Variants in SPATA31C1 observed in about 807,000 individuals in gnomAD.
SPATA31C1 encodes the protein spermatogenesis-associated protein 31C1.
chr9:87,922,227 T>C (rs766066418), exon 5 of SPATA31C1: 65 of 1,613,244 alleles, frequency 4.0e-5, no homozygotes, highest in Non-Finnish European at 5.5e-5. Context: ...GGAGGGCAGG[T>C]GGCCATCTAA....
chr9:87,921,766 T>C, exon 5 of SPATA31C1: 1 of 1,612,028 alleles, frequency 6.2e-7, no homozygotes, highest in Non-Finnish European at 8.5e-7. Context: ...AACACCCACG[T>C]GAAAACCAGC....
chr9:87,922,324 C>A (rs557816890), exon 5 of SPATA31C1: 55 of 1,611,290 alleles, frequency 3.4e-5, no homozygotes, highest in Non-Finnish European at 4.7e-5. Flanking sequence ...ACCAGGGAGG[C>A]AGTGCCACAA....
exon 5 of SPATA31C1, chr9:87,922,415 C>T (rs773984907): frequency 7.5e-6 from 12 of 1,610,068 alleles, no homozygotes; most frequent in African/African-American, 2.7e-5. Context: ...AGGCTCCAGG[C>T]GCCAGCAAAA....
At chr9:87,922,201 C>T (rs774373421) in exon 5 of SPATA31C1, 2 of 1,613,280 alleles carry the variant, frequency 1.2e-6, no homozygotes, top group Admixed American at 1.7e-5. Flanking sequence ...TCCTTGAAGG[C>T]TCCTACAGCT....
exon 5 of SPATA31C1, chr9:87,922,358 T>C: frequency 1.2e-6 from 2 of 1,610,696 alleles, no homozygotes; most frequent in South Asian, 1.1e-5. Flanking sequence ...TGGGAACCTG[T>C]ATGAGAGCAA....
At chr9:87,923,369 C>T (rs766555428) in exon 5 of SPATA31C1, 1 of 1,602,538 alleles carries the variant, frequency 6.2e-7, no homozygotes, top group Non-Finnish European at 8.5e-7. Context: ...AGCAATGGGG[C>T]CTGCGACATC....
At chr9:87,919,213 G>C in intron 2 of SPATA31C1, 42 bp from the exon 2 acceptor site, 1 of 1,489,268 alleles carries the variant, frequency 6.7e-7, no homozygotes, top group Non-Finnish European at 9.0e-7. Context: ...GGGGCAGAGA[G>C]GGAGAGCCGG....
At chr9:87,923,360 G>C (rs1179260371) in exon 5 of SPATA31C1, 1 of 1,602,626 alleles carries the variant, frequency 6.2e-7, no homozygotes. Context: ...GCAACAATGA[G>C]CAATGGGGCC....
At chr9:87,923,617 A>G, downstream of SPATA31C1, 3 of 668,040 alleles carry the variant, frequency 4.5e-6, no homozygotes, top group Non-Finnish European at 7.5e-6. Context: ...TAGTACACGC[A>G]GAACATTTAA....
At chr9:87,922,228 G>A in exon 5 of SPATA31C1, 1 of 1,613,254 alleles carries the variant, frequency 6.2e-7, no homozygotes, top group Non-Finnish European at 8.5e-7. Context: ...GAGGGCAGGT[G>A]GCCATCTAAG....
chr9:87,920,322 G>A (rs577427444), exon 5 of SPATA31C1: 102 of 1,613,928 alleles, frequency 6.3e-5, no homozygotes, highest in South Asian at 1.3e-4. Context: ...AGGTGAGGTG[G>A]GCAAAAGAAC....
exon 5 of SPATA31C1, chr9:87,920,701 G>A (rs1828831754): frequency 9.3e-6 from 15 of 1,613,936 alleles, no homozygotes; most frequent in Non-Finnish European, 1.2e-5. Flanking sequence ...GTCCCTCAAA[G>A]CTTGTCTCCA....
At chr9:87,920,545 C>T (rs771700492) in exon 5 of SPATA31C1, 1 of 1,613,828 alleles carries the variant, frequency 6.2e-7, no homozygotes, top group Non-Finnish European at 8.5e-7. Flanking sequence ...CCCGAGCCAC[C>T]TGCACTTTTC....
chr9:87,921,089 T>C, exon 5 of SPATA31C1: 1 of 1,611,424 alleles, frequency 6.2e-7, no homozygotes, highest in Non-Finnish European at 8.5e-7. Flanking sequence ...AAGTGCAAGC[T>C]CTCTCCTTAC....
chr9:87,923,374 G>A (rs753798025), exon 5 of SPATA31C1: 36 of 1,602,356 alleles, frequency 2.2e-5, no homozygotes, highest in Non-Finnish European at 2.8e-5. Flanking sequence ...TGGGGCCTGC[G>A]ACATCCCCAA....
rs553309889 is a variant in SPATA31C1 at position 87,923,346 on chromosome 9, C to T, written n.3736C>T. On this transcript the variant is annotated non_coding_transcript_exon_variant, in exon 5 of 5. Transcript: ENST00000420021. Reference sequence around the variant, plus strand: ...AGATCAGCAGCCCTTGAAAAGTGTCCGGTGCAACAATGAGCAATGGGGCCT... The same window carrying T: ...AGATCAGCAGCCCTTGAAAAGTGTCTGGTGCAACAATGAGCAATGGGGCCT... The T allele has an allele frequency of 6.2e-6, 10 of 1,602,302 alleles. No individual in the cohort carries two copies. The African/African-American group carries it at 8.0e-5, about 13-fold the overall frequency.
At chr9:87,921,764 C>G in exon 5 of SPATA31C1, 1 of 1,612,062 alleles carries the variant, frequency 6.2e-7, no homozygotes, top group Non-Finnish European at 8.5e-7. Context: ...CCAACACCCA[C>G]GTGAAAACCA....
intron 1 of SPATA31C1, among the ~76,000 whole-genome samples, chr9:87,917,054 A>G (rs945788890): frequency 9.3e-5 from 12 of 129,724 alleles, no homozygotes; most frequent in African/African-American, 2.4e-4. Flanking sequence ...AAATAAATAC[A>G]TAAGTACATA....
At chr9:87,921,804 G>A (rs1400474142) in exon 5 of SPATA31C1, 2 of 1,612,054 alleles carry the variant, frequency 1.2e-6, no homozygotes, top group Non-Finnish European at 1.7e-6. Context: ...AAGTAGGAAA[G>A]CCTGTGTAAA....
Sources: allele counts gnomAD v4.1 joint callset (sites outside exome capture counted in the v4.1 genomes callset), GRCh38; gene constraint gnomAD v4.1.1; transcripts MANE v1.5; gene names NCBI Gene and HGNC (gene_info 2026-07-23, HGNC 2026-07-21).